The following USP48 variants were observed in gnomAD, a reference collection of about 807,000 sequenced individuals.
USP48 encodes the protein ubiquitin carboxyl-terminal hydrolase 48.
Under a neutral mutation model 150.7 loss-of-function variants are expected in USP48, and 43 were observed. The observed-to-expected ratio is 0.29, with a 90% CI of 0.22 to 0.37. The LOEUF is 0.37. Among genes scored for constraint, USP48 ranks in the 10% least tolerant of loss-of-function variants. The pLI, the probability that USP48 is intolerant of heterozygous loss-of-function variation, is 1.00. For synonymous variants in USP48, 396 were observed against 425.9 expected (o/e 0.93, Z 0.86); for missense variants, 813 against 1,249.6 (o/e 0.65, Z 5.27).
At chr1:21,718,898 C>T (rs896904709) in intron 14 of USP48, among the ~76,000 whole-genome samples, 4 of 151,986 alleles carry the variant, frequency 2.6e-5, no homozygotes, top group Non-Finnish European at 1.5e-5. Flanking sequence ...TACGGTTTTT[C>T]AAATGACAGG....
intron 8 of USP48, among the ~76,000 whole-genome samples, chr1:21,746,618 C>T (rs1419257068): frequency 1.3e-5 from 2 of 151,910 alleles, no homozygotes; most frequent in Admixed American, 6.6e-5. Flanking sequence ...CATCCTAGGG[C>T]GTATCAGTAG....
chr1:21,782,768 C>CG, intron 1 of USP48, 56 bp downstream of exon 1: 1 of 1,485,926 alleles, frequency 6.7e-7, no homozygotes, highest in African/African-American at 1.4e-5. Flanking sequence ...CTACCCCGCC[C>CG]GGGCTTTCCA....
chr1:21,713,647 A>G (rs1571821377), intron 15 of USP48, among the ~76,000 whole-genome samples: 1 of 152,298 alleles, frequency 6.6e-6, no homozygotes, highest in Admixed American at 6.5e-5. Flanking sequence ...AACTCTCAAT[A>G]TGGAGGCACC....
intron 22 of USP48, among the ~76,000 whole-genome samples, chr1:21,698,908 T>G (rs1056341086): frequency 2.0e-5 from 3 of 151,490 alleles, no homozygotes; most frequent in Non-Finnish European, 4.4e-5. Context: ...ATAAAAAAAT[T>G]TGATTCCCAA....
chr1:21,778,019 T>A (rs1288637529), intron 1 of USP48, among the ~76,000 whole-genome samples: 2 of 148,098 alleles, frequency 1.4e-5, no homozygotes, highest in Non-Finnish European at 3.0e-5. Context: ...GGTGTGCGCC[T>A]GTAGTCCCAG....
At chr1:21,726,840 C>T (rs1311010064) in intron 11 of USP48, among the ~76,000 whole-genome samples, 2 of 152,076 alleles carry the variant, frequency 1.3e-5, no homozygotes, top group African/African-American at 4.8e-5. Context: ...AGGGAGAACT[C>T]TCCTATTATC....
intron 24 of USP48, 83 bp from the exon 25 acceptor site, chr1:21,687,322 A>T: frequency 7.9e-7 from 1 of 1,272,182 alleles, no homozygotes; most frequent in East Asian, 2.5e-5. Context: ...TCAACTACTG[A>T]TATTGCTATA....
intron 8 of USP48, among the ~76,000 whole-genome samples, chr1:21,742,017 A>G (rs2097783019): frequency 6.6e-6 from 1 of 152,098 alleles, no homozygotes; most frequent in African/African-American, 2.4e-5. Context: ...TTTTGAGATC[A>G]TTGAGGGTAA....
chr1:21,756,244 G>A (rs1040550750), intron 3 of USP48, among the ~76,000 whole-genome samples: 2 of 151,894 alleles, frequency 1.3e-5, no homozygotes, highest in Admixed American at 1.3e-4. Context: ...ACTTTGGAAG[G>A]CCGAGGCAGC....
At chr1:21,770,364 T>G (rs552309681) in intron 1 of USP48, among the ~76,000 whole-genome samples, 1 of 152,078 alleles carries the variant, frequency 6.6e-6, no homozygotes, top group African/African-American at 2.4e-5. Flanking sequence ...GAGGCAGAAG[T>G]AACTGGTAGT....
Position 21,756,629 on chromosome 1 carries a change from T to C in USP48, c.329A>G (p.Asn110Ser). ...VNTFLQVWFL[N>S]LELRQALYLC... ...GTAGAGTGCCTGCCGAAGCTCCAAGTTGAGAAACCACACTTGAAGAAATGT... is the reference window on the plus strand; with the variant it reads ...GTAGAGTGCCTGCCGAAGCTCCAAGCTGAGAAACCACACTTGAAGAAATGT... Residue 110 changes from asparagine to serine, a missense_variant, in exon 3 of 27, where the codon AAC becomes AGC. Transcript: ENST00000308271. 3 of 1,612,364 alleles carry C rather than the reference T, an allele frequency of 1.9e-6. No individual in the cohort carries two copies. The highest frequency in any genetic ancestry group is 1.3e-5 in the African/African-American group (1 of 74,828).
intron 15 of USP48, among the ~76,000 whole-genome samples, chr1:21,709,645 C>T (rs905917034): frequency 6.6e-6 from 1 of 150,524 alleles, no homozygotes. Flanking sequence ...TATGAGGAAA[C>T]AATAATGGGA....
At chr1:21,694,595 A>AAC (rs2097618295) in intron 23 of USP48, among the ~76,000 whole-genome samples, 1 of 123,560 alleles carries the variant, frequency 8.1e-6, no homozygotes, top group African/African-American at 2.8e-5. Context: ...AAAAAAAAAA[A>AAC]AAAAAAAAAA....
At chr1:21,680,520 C>G (rs1171616525) in intron 26 of USP48, among the ~76,000 whole-genome samples, 1 of 152,162 alleles carries the variant, frequency 6.6e-6, no homozygotes, top group Non-Finnish European at 1.5e-5. Flanking sequence ...CTTGAAATGC[C>G]ACTAGCTAAT....
intron 1 of USP48, among the ~76,000 whole-genome samples, chr1:21,766,864 A>G (rs2097863437): frequency 6.6e-6 from 1 of 152,088 alleles, no homozygotes; most frequent in South Asian, 2.1e-4. Flanking sequence ...CAGGAGTTCC[A>G]GATCAGCCTG....
chr1:21,757,626 A>T, intron 2 of USP48, 37 bp downstream of exon 2: 1 of 1,583,956 alleles, frequency 6.3e-7, no homozygotes, highest in South Asian at 1.2e-5. Context: ...AAAACAAAAA[A>T]CAGCATATAG....
intron 22 of USP48, among the ~76,000 whole-genome samples, chr1:21,698,498 A>C (rs1471320081): frequency 6.6e-6 from 1 of 152,134 alleles, no homozygotes; most frequent in Admixed American, 6.5e-5. Flanking sequence ...TAGACCACCA[A>C]AAAAAAGTTA....
At chr1:21,705,443 C>CTCAGCACTGGTCACCAGCAGT (rs1457811771) in intron 19 of USP48, among the ~76,000 whole-genome samples, 1 of 152,154 alleles carries the variant, frequency 6.6e-6, no homozygotes, top group Non-Finnish European at 1.5e-5. Flanking sequence ...GAAAAGAGGT[C>CTCAGCACTGGTCACCAGCAGT]TCAGCACTGG....
chr1:21,750,481 T>G (rs2097807738), intron 6 of USP48, among the ~76,000 whole-genome samples: 1 of 152,108 alleles, frequency 6.6e-6, no homozygotes, highest in South Asian at 2.1e-4. Flanking sequence ...CGCACTTTAT[T>G]TTACTGTCCC....
Sources: allele counts gnomAD v4.1 joint callset (sites outside exome capture counted in the v4.1 genomes callset), GRCh38; gene constraint gnomAD v4.1.1; transcripts MANE v1.5; gene names NCBI Gene and HGNC (gene_info 2026-07-23, HGNC 2026-07-21).